Variants in BICC1 observed in about 807,000 individuals in gnomAD.
BICC1 encodes protein bicaudal C homolog 1.
In BICC1, 43 loss-of-function variants were observed where a neutral mutation model predicts 111.0. The ratio of observed to expected loss-of-function variants is 0.39; its 90% CI spans 0.30 to 0.50. The LOEUF (loss-of-function observed/expected upper bound fraction) is 0.50, where lower values mean the gene tolerates loss of function less well. BICC1 is among the 20% of genes least tolerant of loss of function. The pLI, the probability that BICC1 is intolerant of heterozygous loss-of-function variation, is 0.88. For missense variants in BICC1, 1,091 were observed against 1,203.2 expected, an observed-to-expected ratio of 0.91 and a Z score of 1.38; for synonymous variants, 467 against 434.4, an observed-to-expected ratio of 1.07 and a Z score of -0.93.
At chr10:58,608,524 A>G (rs1463694850) in intron 1 of BICC1, among the ~76,000 whole-genome samples, 1 of 152,220 alleles carries the variant, frequency 6.6e-6, no homozygotes, top group Non-Finnish European at 1.5e-5. Flanking sequence ...ACATTAAATA[A>G]TCAGTTCAAA....
At chr10:58,663,620 T>A (rs1223020200) in intron 2 of BICC1, among the ~76,000 whole-genome samples, 6 of 152,174 alleles carry the variant, frequency 3.9e-5, no homozygotes, top group Admixed American at 1.3e-4. Flanking sequence ...CATAGGAGCA[T>A]GAACCCTATT....
rs1841369937 is a variant in BICC1 at position 58,733,184 on chromosome 10, C to CT, written c.307+31042dup. On this transcript the variant is annotated intron_variant, in intron 3 of 20. Coordinates refer to ENST00000373886, the MANE Select transcript of BICC1 (RefSeq NM_001080512.3). ...CATGATTTTGTAAACACCTGTAACT[C>CT]TAATTTCCATGAATCTCTAAAAATA... 2.0e-5 allele frequency among the ~76,000 whole-genome samples: 3 copies of CT among 152,176 alleles called. No individual in the cohort carries two copies. In the South Asian group the frequency reaches 6.2e-4, roughly 32 times the overall value.
chr10:58,745,604 C>CCCG (rs1388920822), intron 3 of BICC1, among the ~76,000 whole-genome samples: 1 of 122,772 alleles, frequency 8.1e-6, no homozygotes, highest in Non-Finnish European at 1.7e-5. Context: ...CCCCCACCGC[C>CCCG]CCCCCCCCAC....
intron 3 of BICC1, among the ~76,000 whole-genome samples, chr10:58,761,024 G>A (rs1258181394): frequency 6.6e-6 from 1 of 151,924 alleles, no homozygotes; most frequent in Non-Finnish European, 1.5e-5. Flanking sequence ...CAAAATTTTT[G>A]TATATTTTTT....
chr10:58,673,002 T>G lies in BICC1; in HGVS notation c.238-29072T>G, dbSNP rs181974639. ...AAGAGGTCTGATATATTGCCAAATC[T>G]AATTCTGCACTGTTGCAGATGAATG... On this transcript the variant is annotated intron_variant, in intron 2 of 20. Coordinates refer to ENST00000373886, the MANE Select transcript of BICC1 (RefSeq NM_001080512.3). 5.9e-5 allele frequency among the ~76,000 whole-genome samples: 9 copies of G among 152,312 alleles called. No homozygotes were observed. The East Asian group carries it at 1.5e-3, about 26-fold the overall frequency.
At chr10:58,594,950 T>G (rs1025102761) in intron 1 of BICC1, among the ~76,000 whole-genome samples, 1 of 152,104 alleles carries the variant, frequency 6.6e-6, no homozygotes, top group African/African-American at 2.4e-5. Context: ...GTCAGACCCA[T>G]CAGTGTGCTG....
chr10:58,591,479 G>A (rs2132040618), intron 1 of BICC1, among the ~76,000 whole-genome samples: 1 of 152,236 alleles, frequency 6.6e-6, no homozygotes, highest in Admixed American at 6.5e-5. Flanking sequence ...CATGATGGAA[G>A]GGGCAAAGGA....
chr10:58,691,804 G>GT (rs1405945641), intron 2 of BICC1, among the ~76,000 whole-genome samples: 2 of 152,020 alleles, frequency 1.3e-5, no homozygotes, highest in African/African-American at 4.8e-5. Context: ...TGGTTGGAGG[G>GT]TTTTTTTCTC....
chr10:58,572,697 A>G (rs1027484547), intron 1 of BICC1, among the ~76,000 whole-genome samples: 6 of 152,198 alleles, frequency 3.9e-5, no homozygotes, highest in Admixed American at 6.6e-5. Flanking sequence ...CTGTAGATAT[A>G]TAGCACATAT....
At chr10:58,618,349 T>A (rs932788151) in intron 1 of BICC1, among the ~76,000 whole-genome samples, 2 of 152,230 alleles carry the variant, frequency 1.3e-5, no homozygotes, top group Non-Finnish European at 2.9e-5. Flanking sequence ...ATTCCACTCC[T>A]TACATAACCA....
chr10:58,798,000 G>A (rs1458602904), intron 10 of BICC1, among the ~76,000 whole-genome samples: 1 of 152,142 alleles, frequency 6.6e-6, no homozygotes, highest in Non-Finnish European at 1.5e-5. Flanking sequence ...GCTGCTACAT[G>A]TGAGTAGTTT....
At chr10:58,807,821 C>T (rs4245601) in intron 17 of BICC1, among the ~76,000 whole-genome samples, 3 of 151,960 alleles carry the variant, frequency 2.0e-5, no homozygotes, top group Non-Finnish European at 4.4e-5. Flanking sequence ...CTTTGGGAGT[C>T]GGGGTGGGTC....
chr10:58,645,037 G>T (rs1838224839), intron 2 of BICC1, among the ~76,000 whole-genome samples: 2 of 151,936 alleles, frequency 1.3e-5, no homozygotes, highest in African/African-American at 4.8e-5. Flanking sequence ...AGAACTCCCC[G>T]CCCCACCAAT....
chr10:58,738,993 G>A (rs9416738), intron 3 of BICC1, among the ~76,000 whole-genome samples: 151,577 of 151,960 alleles, frequency 1, 75,598 homozygotes, highest in Middle Eastern at 1. Context: ...GGCTGAGACA[G>A]TGGGGTTTTC....
rs1347738537 is a variant in BICC1 at position 58,786,951 on chromosome 10, T to TTTCACATACAGAACA, written c.424_438dup (p.Thr142_His146dup). On this transcript the variant is annotated inframe_insertion, in exon 5 of 21. Coordinates refer to ENST00000373886, the MANE Select transcript of BICC1 (RefSeq NM_001080512.3). ...AATCGAGTCACACTGAAGATGGATG[T>TTTCACATACAGAACA]TTCACATACAGAACATTCACATGTA... 6.3e-7 allele frequency: 1 copy of TTTCACATACAGAACA among 1,595,324 alleles called. No homozygotes were observed. The highest frequency in any genetic ancestry group is 8.5e-7 in the Non-Finnish European group (1 of 1,174,060).
intron 2 of BICC1, among the ~76,000 whole-genome samples, chr10:58,687,732 G>T (rs1189964503): frequency 2.6e-5 from 4 of 152,176 alleles, no homozygotes; most frequent in African/African-American, 9.6e-5. Context: ...CGCAGTATTA[G>T]GGTGGGAGTG....
intron 3 of BICC1, among the ~76,000 whole-genome samples, chr10:58,706,224 G>A (rs1840383518): frequency 6.6e-6 from 1 of 152,156 alleles, no homozygotes; most frequent in African/African-American, 2.4e-5. Context: ...TTTTGAACAT[G>A]CTATTCTGAA....
intron 1 of BICC1, among the ~76,000 whole-genome samples, chr10:58,575,272 A>T (rs760090848): frequency 2.2e-4 from 34 of 151,418 alleles, no homozygotes; most frequent in Admixed American, 4.0e-4. Flanking sequence ...TATGAGTGAG[A>T]ACATGACCTT....
rs1843125889 is a variant in BICC1 at position 58,789,907 on chromosome 10, G to A, written c.1021G>A (p.Val341Ile). The stretch of plus-strand genomic sequence containing the variant: ...CTACCTCCAGGGCACCATTGAGTCT[G>A]TCTGTCTTGCAAGGCAATATCTCAT... ...TVYLQGTIESVCLARQYLMGC... is the reference protein window; with the variant it reads ...TVYLQGTIESICLARQYLMGC... The change falls in exon 8 of 21, where the codon GTC (valine) becomes ATC (isoleucine). Residue 341 changes from valine (V) to isoleucine (I), a missense_variant. Physicochemically the swap from Val to Ile is conservative, Grantham distance 29. Transcript: ENST00000373886. 1 of 1,614,018 alleles carries A rather than the reference G, an allele frequency of 6.2e-7. No homozygotes were observed.
Sources: allele counts gnomAD v4.1 joint callset (sites outside exome capture counted in the v4.1 genomes callset), GRCh38; gene constraint gnomAD v4.1.1; transcripts MANE v1.5; gene names NCBI Gene and HGNC (gene_info 2026-07-23, HGNC 2026-07-21).